Variants in USH2A observed in about 807,000 individuals in gnomAD.
The protein encoded by USH2A is Usher syndrome 2A (autosomal recessive, mild).
In USH2A, 443 loss-of-function variants were observed where a neutral mutation model predicts 538.9. The ratio of observed to expected loss-of-function variants is 0.82; its 90% CI spans 0.76 to 0.89. The LOEUF (loss-of-function observed/expected upper bound fraction) is 0.89. Ranked by LOEUF, USH2A falls within the 40% of genes least tolerant of loss-of-function variation. The probability of loss-of-function intolerance (pLI) is 0.00; values close to 1 mark genes in which losing one functional copy is unlikely to be tolerated. For missense variants in USH2A, 6,633 were observed against 6,324.8 expected, an observed-to-expected ratio of 1.05 and a Z score of -1.65; for synonymous variants, 2,413 against 2,273.5, an observed-to-expected ratio of 1.06 and a Z score of -1.75.
At chr1:216,059,252 T>C (rs1036493504) in intron 30 of USH2A, among the ~76,000 whole-genome samples, 1 of 152,184 alleles carries the variant, frequency 6.6e-6, no homozygotes, top group Non-Finnish European at 1.5e-5. Flanking sequence ...TGAGTTTAAG[T>C]TCCAAAATCA....
intron 37 of USH2A, among the ~76,000 whole-genome samples, chr1:215,941,091 G>T (rs1666620767): frequency 1.3e-5 from 2 of 151,976 alleles, no homozygotes; most frequent in African/African-American, 4.8e-5. Flanking sequence ...ACCACAGTCA[G>T]ATTTTCCTAA....
At chr1:216,122,648 G>T (rs952796093) in intron 21 of USH2A, among the ~76,000 whole-genome samples, 4 of 152,150 alleles carry the variant, frequency 2.6e-5, no homozygotes, top group African/African-American at 9.7e-5. Flanking sequence ...GAGGCTCTTT[G>T]AACAAAGTGT....
At chr1:216,149,098 A>G (rs913526002) in intron 21 of USH2A, among the ~76,000 whole-genome samples, 1 of 152,114 alleles carries the variant, frequency 6.6e-6, no homozygotes, top group Non-Finnish European at 1.5e-5. Context: ...TAGCACGGTC[A>G]GAATTTTTAC....
intron 21 of USH2A, among the ~76,000 whole-genome samples, chr1:216,106,887 A>G (rs926022366): frequency 6.6e-6 from 1 of 151,890 alleles, no homozygotes; most frequent in South Asian, 2.1e-4. Flanking sequence ...TAGGGCATTT[A>G]GAAATGTGTT....
chr1:216,104,440 C>T (rs2032680711), intron 21 of USH2A, among the ~76,000 whole-genome samples: 1 of 152,110 alleles, frequency 6.6e-6, no homozygotes, highest in African/African-American at 2.4e-5. Flanking sequence ...TGTATATGCA[C>T]CACATTTTCT....
At chr1:216,086,870 T>C in intron 23 of USH2A, 50 bp from the exon 24 acceptor site, 1 of 1,408,950 alleles carries the variant, frequency 7.1e-7, no homozygotes, top group Non-Finnish European at 1.0e-6. Flanking sequence ...ACTCTAGTTT[T>C]ACTAGCTCAG....
intron 51 of USH2A, among the ~76,000 whole-genome samples, chr1:215,788,842 G>T (rs189728739): frequency 6.6e-6 from 1 of 151,972 alleles, no homozygotes; most frequent in South Asian, 2.1e-4. Context: ...TATACATTAA[G>T]CTTTTAAAAA....
At chr1:215,764,042 G>T (rs926449875) in intron 56 of USH2A, among the ~76,000 whole-genome samples, 1 of 152,048 alleles carries the variant, frequency 6.6e-6, no homozygotes, top group Non-Finnish European at 1.5e-5. Flanking sequence ...ATTAAGTGGC[G>T]AAGTACTGAG....
intron 20 of USH2A, among the ~76,000 whole-genome samples, chr1:216,180,107 A>T (rs575044547): frequency 6.6e-6 from 1 of 152,118 alleles, no homozygotes; most frequent in Non-Finnish European, 1.5e-5. Context: ...TACAAATATA[A>T]GGTGCTATCA....
chr1:216,302,012 T>G (rs1372211897), intron 9 of USH2A, among the ~76,000 whole-genome samples: 1 of 152,226 alleles, frequency 6.6e-6, no homozygotes, highest in Non-Finnish European at 1.5e-5. Context: ...AAATCATCTT[T>G]ATAAACATAA....
chr1:215,637,225 G>A (rs1485838226), intron 69 of USH2A, among the ~76,000 whole-genome samples: 7 of 152,136 alleles, frequency 4.6e-5, no homozygotes, highest in Admixed American at 4.6e-4. Context: ...GGCTTAGAAG[G>A]CGAGCAACCT....
Position 216,289,309 on chromosome 1 carries a change from T to C in USH2A, c.1942A>G (p.Thr648Ala), listed in dbSNP as rs1239032275. Residue 648 changes from threonine to alanine, a missense_variant, in exon 11 of 72, where the codon ACT becomes GCT. Transcript: ENST00000307340. ...TCACAAAGAATGCTACCATTTCTAG[T>C]GCCAACTGTATCACAGTCACAGGGT... ...CKPCDCDTVGTRNGSILCDQI... is the reference protein window; with the variant it reads ...CKPCDCDTVGARNGSILCDQI... 5.6e-6 allele frequency: 9 copies of C among 1,613,866 alleles called. No homozygotes were observed. The highest frequency in any genetic ancestry group is 7.6e-6 in the Non-Finnish European group (9 of 1,179,866).
chr1:216,089,505 G>T (rs985572339), intron 22 of USH2A, among the ~76,000 whole-genome samples: 1 of 151,952 alleles, frequency 6.6e-6, no homozygotes, highest in African/African-American at 2.4e-5. Flanking sequence ...AAAAAGAAGA[G>T]AAAAATTTAA....
chr1:215,674,547 G>T lies in USH2A; in HGVS notation c.13364C>A (p.Thr4455Lys), dbSNP rs373152283. 6.2e-7 allele frequency: 1 copy of T among 1,614,138 alleles called. No homozygotes were observed. The highest frequency in any genetic ancestry group is 2.2e-5 in the East Asian group (1 of 44,868). ...GGTGATTTCTATTGATTCTGAGCCT[G>T]TGACTTGCAATGTTGGAGAGTCCAT... ...ENMDSPTLQVTGSESIEITWK... is the reference protein window; with the variant it reads ...ENMDSPTLQVKGSESIEITWK... The change falls in exon 63 of 72, where the codon ACA (threonine) becomes AAA (lysine). Residue 4455 changes from threonine (T) to lysine (K), a missense_variant. By Grantham distance (78) the Thr-to-Lys change is moderately conservative. Transcript: ENST00000307340.
At chr1:215,796,137 T>C (rs1283343843) in intron 50 of USH2A, among the ~76,000 whole-genome samples, 4 of 152,318 alleles carry the variant, frequency 2.6e-5, no homozygotes, top group Admixed American at 2.6e-4. Flanking sequence ...AATCATGCCA[T>C]GTAACATCTG....
intron 3 of USH2A, among the ~76,000 whole-genome samples, chr1:216,381,495 A>C (rs2038922435): frequency 6.6e-6 from 1 of 152,178 alleles, no homozygotes; most frequent in African/African-American, 2.4e-5. Flanking sequence ...TTTTACAAAG[A>C]CAAAGTAATC....
intron 3 of USH2A, among the ~76,000 whole-genome samples, chr1:216,370,683 A>AAAAAAAAAAAAAAAAAAAAC (rs2038695699): frequency 6.7e-6 from 1 of 149,050 alleles, no homozygotes; most frequent in Admixed American, 6.7e-5. Flanking sequence ...GTCTCAAAAA[A>AAAAAAAAAAAAAAAAAAAAC]AAAAAAAAAA....
chr1:215,709,603 C>T (rs532705444), intron 61 of USH2A, among the ~76,000 whole-genome samples: 1 of 143,440 alleles, frequency 7.0e-6, no homozygotes, highest in African/African-American at 2.6e-5. Flanking sequence ...TGGACAAAGT[C>T]CAGTAATACT....
intron 32 of USH2A, among the ~76,000 whole-genome samples, chr1:216,043,584 C>T (rs1325660979): frequency 1.3e-5 from 2 of 152,116 alleles, no homozygotes; most frequent in South Asian, 2.1e-4. Flanking sequence ...TAATAATACA[C>T]TATGGTGCCA....
Sources: gnomAD v4.1 joint callset for allele counts (sites outside exome capture counted in the v4.1 genomes callset) on GRCh38, gnomAD v4.1.1 for gene constraint, MANE v1.5 for transcripts, NCBI Gene and HGNC (gene_info 2026-07-23, HGNC 2026-07-21) for gene names.